Variants in CELF1 observed in about 807,000 individuals in gnomAD.
CELF1 encodes CUGBP Elav-like family member 1, also known as 50 kDa nuclear polyadenylated RNA-binding protein.
A neutral mutation model predicts 61.8 loss-of-function variants in CELF1; 10 were observed. The observed-to-expected ratio is 0.16, with a 90% CI of 0.10 to 0.27. The LOEUF (loss-of-function observed/expected upper bound fraction) is 0.27, where lower values mean the gene tolerates loss of function less well. CELF1 is among the 10% of genes least tolerant of loss of function. The probability of loss-of-function intolerance (pLI) is 1.00; values close to 1 mark genes in which losing one functional copy is unlikely to be tolerated. For synonymous variants in CELF1, 236 were observed against 225.1 expected, an observed-to-expected ratio of 1.05 and a Z score of -0.43; for missense variants, 380 against 639.1, an observed-to-expected ratio of 0.59 and a Z score of 4.37.
At chr11:47,472,768 C>A (rs113096440) in intron 14 of CELF1, among the ~76,000 whole-genome samples, 1 of 152,296 alleles carries the variant, frequency 6.6e-6, no homozygotes, top group Non-Finnish European at 1.5e-5. Context: ...TGGTCTCGAA[C>A]TCCTAGGCTC....
rs1415914932 is a variant in CELF1 at position 47,471,723 on chromosome 11, C to T, written c.*507G>A. 6.5e-6 allele frequency: 1 copy of T among 152,956 alleles called. No individual in the cohort carries two copies. The highest frequency in any genetic ancestry group is 1.5e-5 in the Non-Finnish European group (1 of 68,548). 9.5% of individuals were successfully genotyped at this position (152,956 alleles called of 1,614,324 possible). ...GTCACTCCACTCTTCCCCAAAGCCG[C>T]TCTGCTCCCCACAGCTCCCAGGTGT... On this transcript the variant is annotated 3_prime_UTR_variant, in exon 15 of 15. Transcript: ENST00000687097.
At chr11:47,542,168 G>A (rs921122201) in intron 1 of CELF1, among the ~76,000 whole-genome samples, 16 of 152,018 alleles carry the variant, frequency 1.1e-4, no homozygotes, top group African/African-American at 3.6e-4. Flanking sequence ...TCAGGAGTTC[G>A]AGACCAGCCT....
rs1396870480 is a variant in CELF1 at position 47,470,859 on chromosome 11, T to C, written c.*1371A>G. ...GAGCAGAGGCAGAGCCCAGAAGCTGTGTGGGTCACAGGCAAGAGCTGAAGT... is the reference window on the plus strand; with the variant it reads ...GAGCAGAGGCAGAGCCCAGAAGCTGCGTGGGTCACAGGCAAGAGCTGAAGT... On this transcript the variant is annotated 3_prime_UTR_variant, in exon 15 of 15. Coordinates refer to ENST00000687097, the MANE Select transcript of CELF1 (RefSeq NM_001376376.1). 6.6e-6 allele frequency: 1 copy of C among 152,208 alleles called. No individual in the cohort carries two copies. The highest frequency in any genetic ancestry group is 1.5e-5 in the Non-Finnish European group (1 of 68,074). 9.4% of individuals were successfully genotyped at this position (152,208 alleles called of 1,614,324 possible).
intron 1 of CELF1, among the ~76,000 whole-genome samples, chr11:47,510,724 C>T (rs1597431649): frequency 6.6e-6 from 1 of 152,018 alleles, no homozygotes; most frequent in Non-Finnish European, 1.5e-5. Flanking sequence ...TGGGCTCAAG[C>T]GATCCACCCC....
chr11:47,514,692 CAAAAAAAAAA>C (rs34636337), intron 1 of CELF1, among the ~76,000 whole-genome samples: 7 of 106,100 alleles, frequency 6.6e-5, no homozygotes, highest in African/African-American at 2.7e-4. Flanking sequence ...CCTATCTCTA[CAAAAAAAAAA>C]AAAAAAAAAA....
In CELF1 at chr11:47,470,776, A is replaced by G. The variant is rs2077520397; in HGVS notation, c.*1454T>C. On this transcript the variant is annotated 3_prime_UTR_variant, in exon 15 of 15. Coordinates refer to ENST00000687097, the MANE Select transcript of CELF1 (RefSeq NM_001376376.1). ...CATCTTAACAGGGCCACCTCTGCCC[A>G]GGTGTACATTCCCAACAGCATGTCC... The G allele has an allele frequency of 6.6e-6, 1 of 152,186 alleles. No homozygotes were observed. The highest frequency in any genetic ancestry group is 1.5e-5 in the Non-Finnish European group (1 of 68,038). 9.4% of individuals were successfully genotyped at this position (152,186 alleles called of 1,614,324 possible). A position where few individuals can be genotyped will look rare whatever the true frequency, so the allele number is the denominator to read the frequency against.
intron 9 of CELF1, among the ~76,000 whole-genome samples, chr11:47,481,314 T>C: frequency 6.6e-6 from 1 of 151,620 alleles, no homozygotes; most frequent in East Asian, 1.9e-4. Flanking sequence ...ATTTTTAGTA[T>C]AGACAGGGTT....
intron 6 of CELF1, among the ~76,000 whole-genome samples, chr11:47,485,456 C>T (rs1044010633): frequency 1.3e-5 from 2 of 152,208 alleles, no homozygotes; most frequent in Non-Finnish European, 2.9e-5. Flanking sequence ...CAGGTGTGCG[C>T]CACTGTGCCC....
At chr11:47,558,527 GTATATATT>G (rs1397805859) in intron 2 of CELF1, among the ~76,000 whole-genome samples, 35 of 104,696 alleles carry the variant, frequency 3.3e-4, no homozygotes, top group Middle Eastern at 5.8e-3. Flanking sequence ...ATATGTATAT[GTATATATT>G]TATATATTTA....
chr11:47,558,574 A>AT (rs2097213868), intron 2 of CELF1, among the ~76,000 whole-genome samples: 2 of 108,286 alleles, frequency 1.8e-5, no homozygotes, highest in African/African-American at 7.9e-5. Context: ...ATAATATATA[A>AT]ATATATATAT....
At chr11:47,502,614 T>C (rs1300693293) in intron 1 of CELF1, among the ~76,000 whole-genome samples, 1 of 151,918 alleles carries the variant, frequency 6.6e-6, no homozygotes, top group Non-Finnish European at 1.5e-5. Context: ...AGGTGGATCA[T>C]GAGGTCAGGA....
At chr11:47,542,383 G>A (rs115208481) in intron 1 of CELF1, among the ~76,000 whole-genome samples, 1,975 of 151,834 alleles carry the variant, frequency 0.013, 38 homozygotes, top group African/African-American at 0.044. Flanking sequence ...AAATAAAGCC[G>A]TATCTGCACC....
At chr11:47,509,956 C>T (rs924242061) in intron 1 of CELF1, among the ~76,000 whole-genome samples, 3 of 149,970 alleles carry the variant, frequency 2.0e-5, no homozygotes, top group Non-Finnish European at 4.4e-5. Flanking sequence ...CAGCTACTTG[C>T]GAGGCTAAGG....
At chr11:47,479,399 T>C (rs2081746815) in intron 9 of CELF1, among the ~76,000 whole-genome samples, 1 of 152,264 alleles carries the variant, frequency 6.6e-6, no homozygotes, top group South Asian at 2.1e-4. Flanking sequence ...CAATTTCTAC[T>C]TCACACAACT....
intron 2 of CELF1, chr11:47,499,839 T>TA (rs1353738037): frequency 3.8e-6 from 1 of 264,502 alleles, no homozygotes; most frequent in Admixed American, 5.2e-5. Context: ...GTCAGATAAA[T>TA]AGTGTCAGAT....
chr11:47,489,655 A>C (rs1286930431), intron 3 of CELF1, among the ~76,000 whole-genome samples: 1 of 152,178 alleles, frequency 6.6e-6, no homozygotes, highest in Non-Finnish European at 1.5e-5. Context: ...AACATAAACA[A>C]TGTTACCATC....
intron 3 of CELF1, among the ~76,000 whole-genome samples, chr11:47,489,932 C>CTTTTTTTTTTT (rs530410346): frequency 6.4e-4 from 15 of 23,442 alleles, no homozygotes; most frequent in South Asian, 5.0e-3. Context: ...AACATACCAT[C>CTTTTTTTTTTT]TTGTTTTTTT....
At chr11:47,535,229 C>A (rs2096597763) in intron 1 of CELF1, among the ~76,000 whole-genome samples, 2 of 151,944 alleles carry the variant, frequency 1.3e-5, no homozygotes, top group Non-Finnish European at 2.9e-5. Flanking sequence ...ACTACTGAAA[C>A]CTAAATATAA....
intron 1 of CELF1, among the ~76,000 whole-genome samples, chr11:47,548,996 G>T (rs2097062017): frequency 6.6e-6 from 1 of 151,840 alleles, no homozygotes. Context: ...ATATATAAAT[G>T]GCCAACAAGC....
Sources: gnomAD v4.1 joint callset for allele counts (sites outside exome capture counted in the v4.1 genomes callset) on GRCh38, gnomAD v4.1.1 for gene constraint, MANE v1.5 for transcripts, NCBI Gene and HGNC (gene_info 2026-07-23, HGNC 2026-07-21) for gene names.